PGK1: variants seen among roughly 807,000 people sequenced by gnomAD.
The protein encoded by PGK1 is PRP 2.
A neutral mutation model predicts 26.9 loss-of-function variants in PGK1; 3 were observed. The observed-to-expected ratio is 0.11, with a 90% confidence interval of 0.05 to 0.29. The LOEUF is 0.29. Among genes scored for constraint, PGK1 ranks in the 10% least tolerant of loss-of-function variants. The pLI is 1.00. For missense variants in PGK1, 270 were observed against 314.7 expected, an observed-to-expected ratio of 0.86 and a Z score of 1.07; for synonymous variants, 125 against 115.3, an observed-to-expected ratio of 1.08 and a Z score of -0.54.
At chrX:78,118,891 C>T (rs2078339663) in intron 6 of PGK1, among the ~76,000 whole-genome samples, 1 of 111,508 alleles carries the variant, frequency 9.0e-6, no homozygotes, top group South Asian at 3.7e-4. Context: ...CACCCCCTCC[C>T]ACCCTCAATT....
chrX:78,109,404 T>G (rs181405898), intron 1 of PGK1, among the ~76,000 whole-genome samples: 1 of 111,467 alleles, frequency 9.0e-6, no homozygotes, highest in Admixed American at 9.5e-5. Flanking sequence ...GATGCATTCC[T>G]TATTATTCCT....
At chrX:78,121,392 T>TTGTG (rs1391698850) in intron 6 of PGK1, among the ~76,000 whole-genome samples, 2 of 111,625 alleles carry the variant, frequency 1.8e-5, no homozygotes, top group East Asian at 2.8e-4. Flanking sequence ...TTTCTTCCCT[T>TTGTG]TGTGTGTGTA....
chrX:78,115,057 C>A (rs185352583), intron 4 of PGK1, among the ~76,000 whole-genome samples: 1 of 111,222 alleles, frequency 9.0e-6, no homozygotes, highest in African/African-American at 3.3e-5. Flanking sequence ...CAAGCAGTTT[C>A]TTTTTTTAGC....
intron 2 of PGK1, among the ~76,000 whole-genome samples, chrX:78,110,793 A>C (rs1171131445): frequency 1.8e-5 from 2 of 110,334 alleles, no homozygotes; most frequent in Non-Finnish European, 3.8e-5. Context: ...TTTTGCTTCC[A>C]AAAAAACAAA....
rs200892196 is a variant in PGK1 at position 78,123,610 on chromosome X, GT to G, written c.936+253del. ...TGTGTTGCAAAACTTTGTTGTTGTT[GT>G]TTTTTTTTTTTTTTTTGAGACAGAG... On this transcript the variant is annotated intron_variant, in intron 8 of 10. Coordinates refer to ENST00000373316, the MANE Select transcript of PGK1 (RefSeq NM_000291.4). Among the ~76,000 whole-genome samples the G allele has an allele frequency of 1.7e-3, 170 of 99,174 alleles. No individual in the cohort carries two copies. In the East Asian group the frequency reaches 0.027, roughly 16 times the overall value. 86.1% of individuals were successfully genotyped at this position (99,174 alleles called of 115,157 possible). A position where few individuals can be genotyped will look rare whatever the true frequency, so the allele number is the denominator to read the frequency against.
intron 2 of PGK1, among the ~76,000 whole-genome samples, chrX:78,112,306 T>A (rs782398793): frequency 8.9e-6 from 1 of 112,718 alleles, no homozygotes; most frequent in East Asian, 2.8e-4. Flanking sequence ...GTTTTCTGTT[T>A]CATTCTCAGA....
chrX:78,115,761 G>A (rs1280993600), intron 4 of PGK1, among the ~76,000 whole-genome samples: 1 of 112,413 alleles, frequency 8.9e-6, no homozygotes, highest in Admixed American at 9.4e-5. Flanking sequence ...CTAGTTATTT[G>A]CAGATCAGTA....
rs782617597 is a variant in PGK1 at position 78,114,194 on chromosome X, A to C, written c.417+34A>C. The C allele has an allele frequency of 4.3e-6, 5 of 1,171,607 alleles. No individual in the cohort carries two copies. In the East Asian group the frequency reaches 1.2e-4, roughly 28 times the overall value. ...TGTGATTTTGACATTATTGGGGGTGAGGGCCTGAGTCTGTAAGAGACTGTG... is the reference window on the plus strand; with the variant it reads ...TGTGATTTTGACATTATTGGGGGTGCGGGCCTGAGTCTGTAAGAGACTGTG... On this transcript the variant is annotated intron_variant, in intron 4 of 10. Coordinates refer to ENST00000373316, the MANE Select transcript of PGK1 (RefSeq NM_000291.4).
At chrX:78,117,655 C>T (rs1306709090) in intron 5 of PGK1, among the ~76,000 whole-genome samples, 1 of 112,428 alleles carries the variant, frequency 8.9e-6, no homozygotes, top group Non-Finnish European at 1.9e-5. Context: ...TGCTCTTTCT[C>T]ACCTTAGATA....
chrX:78,112,049 T>C (rs1253943754), intron 2 of PGK1, among the ~76,000 whole-genome samples: 1 of 112,171 alleles, frequency 8.9e-6, no homozygotes, highest in Non-Finnish European at 1.9e-5. Context: ...TTTTTAATCA[T>C]TCCATTCTTT....
intron 4 of PGK1, among the ~76,000 whole-genome samples, chrX:78,117,033 T>C (rs1471193780): frequency 9.0e-6 from 1 of 111,313 alleles, no homozygotes; most frequent in Non-Finnish European, 1.9e-5. Context: ...GAGAGGCTAG[T>C]GGGGTGTGGT....
Position 78,114,055 on chromosome X carries a change from G to A in PGK1, c.312G>A (p.Val104=). 1 of 1,210,207 alleles carries A rather than the reference G, an allele frequency of 8.3e-7. No homozygotes were observed. Among genetic ancestry groups the A allele is most frequent in the Non-Finnish European group, 1.1e-6 (1 of 894,180 alleles). Residue 104 remains valine, a synonymous_variant, in exon 4 of 11, where the codon GTG becomes GTA. Coordinates refer to ENST00000373316, the MANE Select transcript of PGK1 (RefSeq NM_000291.4). The stretch of plus-strand genomic sequence containing the variant: ...TGAAGGACTGTGTAGGCCCAGAAGT[G>A]GAGAAAGCCTGTGCCAACCCAGCTG... ...LFLKDCVGPE[V]EKACANPAAG... is the part of the protein sequence containing the mutation.
rs782610228 is a variant in PGK1, at chrX:78,117,409, C to T, written c.515C>T (p.Ala172Val). ...GATGCTTTTGGCACTGCTCACAGAG[C>T]CCACAGGTACCAAGAACCTTGTAGA... The part of the protein sequence containing the change: ...VNDAFGTAHR[A>V]HSSMVGVNLP... The change falls in exon 5 of 11, where the codon GCC becomes GTC. Residue 172 changes from alanine to valine, a missense_variant. Physicochemically the swap from Ala to Val is moderately conservative, Grantham distance 64. This residue lies in a region of PGK1 where 150 missense variants were observed against 154.6 expected (regional missense o/e 0.97). Coordinates refer to ENST00000373316, the MANE Select transcript of PGK1 (RefSeq NM_000291.4). 4.5e-6 allele frequency: 5 copies of T among 1,117,294 alleles called. No homozygotes were observed. Among genetic ancestry groups the T allele is most frequent in the Non-Finnish European group, 6.2e-6 (5 of 809,237 alleles). 92.1% of individuals were successfully genotyped at this position (1,117,294 alleles called of 1,213,427 possible). A position where few individuals can be genotyped will look rare whatever the true frequency, so the allele number is the denominator to read the frequency against.
chrX:78,108,823 CAT>C (rs1331869992), intron 1 of PGK1, among the ~76,000 whole-genome samples: 2 of 111,775 alleles, frequency 1.8e-5, no homozygotes, highest in African/African-American at 6.5e-5. Context: ...TTTGGAGAAA[CAT>C]ATAACAACAA....
Position 78,118,032 on chromosome X carries a change from T to C in PGK1, c.522-19T>C, listed in dbSNP as rs781900748. On this transcript the variant is annotated intron_variant, in intron 5 of 10. Coordinates refer to ENST00000373316, the MANE Select transcript of PGK1 (RefSeq NM_000291.4). ...TGATAGGGATTGACTAGAATCTGAA[T>C]GTCTTTGATCTTTTCTAGCTCCATG... 2 of 1,201,177 alleles carry C rather than the reference T, an allele frequency of 1.7e-6. No individual in the cohort carries two copies. Among genetic ancestry groups the C allele is most frequent in the Non-Finnish European group, 1.1e-6 (1 of 887,255 alleles).
In PGK1 at chrX:78,123,348, G is replaced by A. The variant is rs1557248252; in HGVS notation, c.910G>A (p.Ala304Thr). 1 of 1,210,244 alleles carries A rather than the reference G, an allele frequency of 8.3e-7. No homozygotes were observed. Among genetic ancestry groups the A allele is most frequent in the East Asian group, 3.0e-5 (1 of 33,833 alleles). Residue 304 changes from alanine to threonine, a missense_variant, in exon 8 of 11, where the codon GCT becomes ACT. By Grantham distance (58) the Ala-to-Thr change is moderately conservative (BLOSUM62 0). Transcript: ENST00000373316. Reference sequence around the variant, plus strand: ...TGCCAAGACTGGCCAAGCCACTGTGGCTTCTGGCATACCTGCTGGCTGGAT... The same window carrying A: ...TGCCAAGACTGGCCAAGCCACTGTGACTTCTGGCATACCTGCTGGCTGGAT... ...ENAKTGQATV[A>T]SGIPAGWMGL...
intron 1 of PGK1, among the ~76,000 whole-genome samples, chrX:78,104,655 AC>A (rs1175085391): frequency 9.0e-6 from 1 of 110,925 alleles, no homozygotes; most frequent in Non-Finnish European, 1.9e-5. Context: ...TGCCGCTGGG[AC>A]CCATTTTGTC....
intron 4 of PGK1, among the ~76,000 whole-genome samples, chrX:78,117,071 A>T (rs1261799636): frequency 1.8e-5 from 2 of 111,797 alleles, no homozygotes; most frequent in African/African-American, 6.5e-5. Flanking sequence ...AGGTAAAGCC[A>T]TCGTTCAGGA....
rs2078381710 is a variant in PGK1 at position 78,126,021 on chromosome X, T to C, written c.*191T>C. On this transcript the variant is annotated 3_prime_UTR_variant, in exon 11 of 11. Transcript: ENST00000373316. ...TCACTGCACCCTGGATTTGCATACA[T>C]TCTTCAAGATCCCATTTGAATTTTT... The C allele has an allele frequency of 2.1e-6, 1 of 478,224 alleles. No individual in the cohort carries two copies. The highest frequency in any genetic ancestry group is 3.7e-6 in the Non-Finnish European group (1 of 269,421). The allele number at this position is 478,224 out of a possible 1,213,427, so 39.4% of individuals were successfully genotyped here. A position where few individuals can be genotyped will look rare whatever the true frequency, so the allele number is the denominator to read the frequency against.
Sources: gnomAD v4.1 joint callset for allele counts (sites outside exome capture counted in the v4.1 genomes callset) on GRCh38, gnomAD v4.1.1 for gene constraint, gnomAD v4.1.1 regional missense constraint, MANE v1.5 for transcripts, NCBI Gene and HGNC (gene_info 2026-07-23, HGNC 2026-07-21) for gene names.